ANO4: variants seen among roughly 807,000 people sequenced by gnomAD.
ANO4 encodes anoctamin 4.
In ANO4, 69 loss-of-function variants were observed where a neutral mutation model predicts 141.9. That is an observed-to-expected ratio of 0.49 (90% CI 0.40 to 0.59). The LOEUF (loss-of-function observed/expected upper bound fraction) is 0.59, where lower values mean the gene tolerates loss of function less well. Ranked by LOEUF, ANO4 falls within the 20% of genes least tolerant of loss-of-function variation. The pLI is 0.00. For missense variants in ANO4, 894 were observed against 1,162.2 expected (o/e 0.77, Z 3.36); for synonymous variants, 350 against 394.3 (o/e 0.89, Z 1.33).
chr12:101,073,145 C>T (rs541607039), intron 14 of ANO4, among the ~76,000 whole-genome samples: 10 of 152,076 alleles, frequency 6.6e-5, no homozygotes, highest in East Asian at 3.9e-4. Context: ...ATGTTTATTG[C>T]GGCACTATTC....
At chr12:101,051,237 G>A (rs915742014) in intron 14 of ANO4, among the ~76,000 whole-genome samples, 5 of 152,258 alleles carry the variant, frequency 3.3e-5, no homozygotes, top group East Asian at 3.9e-4. Context: ...GGTGCTGGCT[G>A]CCTGGAGCAT....
At chr12:101,105,234 G>C (rs148605409) in intron 22 of ANO4, among the ~76,000 whole-genome samples, 184 of 152,264 alleles carry the variant, frequency 1.2e-3, no homozygotes, top group Admixed American at 2.7e-3. Context: ...AGCTTAATCT[G>C]TGACCAGCTT....
chr12:100,966,124 T>A (rs2043643044), intron 5 of ANO4, among the ~76,000 whole-genome samples: 2 of 152,164 alleles, frequency 1.3e-5, no homozygotes, highest in South Asian at 4.1e-4. Flanking sequence ...TGATAAATCC[T>A]TCCAAAATAC....
rs965131002 is a variant in ANO4 at position 100,771,123 on chromosome 12, G to A, written c.358+31018G>A. ...TATCACTGTCATATTGAAGAGGAACGGGTTAAATTGGAACTACCAATTTTT... is the reference window on the plus strand; with the variant it reads ...TATCACTGTCATATTGAAGAGGAACAGGTTAAATTGGAACTACCAATTTTT... On this transcript the variant is annotated intron_variant, in intron 3 of 29. Transcript: ENST00000644049. Among the ~76,000 whole-genome samples, 17 of 152,110 alleles carry A rather than the reference G, an allele frequency of 1.1e-4. No individual in the cohort carries two copies. The South Asian group carries it at 3.1e-3, about 28-fold the overall frequency.
At chr12:100,930,459 TC>T (rs1341034088) in intron 3 of ANO4, among the ~76,000 whole-genome samples, 1 of 152,210 alleles carries the variant, frequency 6.6e-6, no homozygotes, top group Non-Finnish European at 1.5e-5. Context: ...CAATGTATGT[TC>T]TTGGCACCAT....
At chr12:101,054,530 C>G (rs945366633) in intron 14 of ANO4, among the ~76,000 whole-genome samples, 13 of 152,150 alleles carry the variant, frequency 8.5e-5, no homozygotes, top group East Asian at 1.9e-4. Context: ...GACGGAGTCT[C>G]GCTCTGTCCC....
At chr12:100,760,384 A>AT (rs991476529) in intron 3 of ANO4, among the ~76,000 whole-genome samples, 1 of 152,156 alleles carries the variant, frequency 6.6e-6, no homozygotes, top group African/African-American at 2.4e-5. Flanking sequence ...CTAACAGCTG[A>AT]TACCTATTTG....
intron 3 of ANO4, among the ~76,000 whole-genome samples, chr12:100,757,509 A>G (rs989564130): frequency 1.3e-5 from 2 of 152,192 alleles, no homozygotes; most frequent in African/African-American, 4.8e-5. Context: ...TGTAACTACA[A>G]AGGTGGGCCT....
intron 3 of ANO4, among the ~76,000 whole-genome samples, chr12:100,766,345 G>A (rs1427160255): frequency 6.6e-6 from 1 of 151,988 alleles, no homozygotes; most frequent in Non-Finnish European, 1.5e-5. Flanking sequence ...CTTTATTTGA[G>A]ATCTTTCTCT....
At chr12:101,067,009 A>AAG in intron 14 of ANO4, 4 of 585,526 alleles carry the variant, frequency 6.8e-6, no homozygotes, top group Non-Finnish European at 9.2e-6. Flanking sequence ...AAAAAAAAAA[A>AAG]AAAAAAAAGA....
Position 101,097,913 on chromosome 12 carries a change from G to A in ANO4, c.1974G>A (p.Gln658=), listed in dbSNP as rs143233263. The A allele has an allele frequency of 5.6e-6, 9 of 1,613,678 alleles. No homozygotes were observed. Among genetic ancestry groups the A allele is most frequent in the Admixed American group, 1.7e-5 (1 of 59,978 alleles). ...MQMGIIMVLK[Q]TWNNFMELGY... ...TGGGTATTATAATGGTGCTAAAGCA[G>A]ACCTGGAATAATTTCATGGAACTTG... Residue 658 remains glutamine, a synonymous_variant, in exon 21 of 28, where the codon CAG becomes CAA. Coordinates refer to ENST00000392977, the MANE Select transcript of ANO4 (RefSeq NM_001286615.2).
chr12:101,109,540 G>A (rs1025977548), intron 22 of ANO4, among the ~76,000 whole-genome samples: 2 of 151,858 alleles, frequency 1.3e-5, no homozygotes, highest in African/African-American at 4.8e-5. Context: ...CAGCCTGGGG[G>A]ACAGAGCTAG....
At chr12:100,912,186 A>T (rs1044241536) in intron 2 of ANO4, among the ~76,000 whole-genome samples, 3 of 152,016 alleles carry the variant, frequency 2.0e-5, no homozygotes, top group African/African-American at 7.2e-5. Flanking sequence ...ACCTGAGGTC[A>T]GGAGTTCGAG....
chr12:100,729,360 C>CAAAAAAAAAAAAAAAAAAAAAAAAAAAAA (rs1156522144), intron 1 of ANO4, among the ~76,000 whole-genome samples: 1 of 22,568 alleles, frequency 4.4e-5, no homozygotes, highest in Non-Finnish European at 8.4e-5. Flanking sequence ...AACTCTGTCT[C>CAAAAAAAAAAAAAAAAAAAAAAAAAAAAA]AAAAAAAAAA....
intron 3 of ANO4, among the ~76,000 whole-genome samples, chr12:100,782,853 A>G (rs2033752602): frequency 1.3e-5 from 2 of 152,148 alleles, no homozygotes; most frequent in African/African-American, 4.8e-5. Flanking sequence ...TTCATTCTGT[A>G]TATTAACTCC....
chr12:100,931,497 A>T (rs2042087012), intron 3 of ANO4, among the ~76,000 whole-genome samples: 1 of 152,284 alleles, frequency 6.6e-6, no homozygotes, highest in South Asian at 2.1e-4. Flanking sequence ...ATTGAATGAA[A>T]ATTCATCTTT....
chr12:100,974,246 T>G (rs10778092), intron 6 of ANO4, among the ~76,000 whole-genome samples: 1 of 151,818 alleles, frequency 6.6e-6, no homozygotes. Context: ...ATTTAATTCA[T>G]CTAAAGCCAG....
At chr12:100,900,693 A>C (rs950027814) in intron 1 of ANO4, among the ~76,000 whole-genome samples, 2 of 152,232 alleles carry the variant, frequency 1.3e-5, no homozygotes, top group African/African-American at 2.4e-5. Context: ...CATCATTCTC[A>C]GCAAACTATC....
chr12:100,749,301 A>T (rs990415105), intron 3 of ANO4, among the ~76,000 whole-genome samples: 2 of 152,224 alleles, frequency 1.3e-5, no homozygotes, highest in African/African-American at 4.8e-5. Flanking sequence ...GAGCAAGCCC[A>T]GAATTTTAAC....
Sources: gnomAD v4.1 joint callset for allele counts (sites outside exome capture counted in the v4.1 genomes callset) on GRCh38, gnomAD v4.1.1 for gene constraint, MANE v1.5 for transcripts, NCBI Gene and HGNC (gene_info 2026-07-23, HGNC 2026-07-21) for gene names.